The following TVP23A variants were observed in gnomAD, a reference collection of about 807,000 sequenced individuals.
The protein encoded by TVP23A is trans-golgi network vesicle protein 23 homolog A.
Under a neutral mutation model 31.7 loss-of-function variants are expected in TVP23A, and 21 were observed. That is an observed-to-expected ratio of 0.66 (90% CI 0.47 to 0.95). The LOEUF is 0.95. Ranked by LOEUF, TVP23A falls within the 40% of genes least tolerant of loss-of-function variation. The pLI is 0.00. For missense variants in TVP23A, 279 were observed against 255.6 expected, an observed-to-expected ratio of 1.09 and a Z score of -0.62; for synonymous variants, 104 against 96.0, an observed-to-expected ratio of 1.08 and a Z score of -0.49.
At chr16:10,761,516 T>C in exon 9 of TVP23A, 5 of 1,514,862 alleles carry the variant, frequency 3.3e-6, no homozygotes, top group Non-Finnish European at 4.6e-6. Flanking sequence ...GATCTTGCTC[T>C]CATGGATGAG....
At chr16:10,814,818 T>C (rs533920014) in intron 2 of TVP23A, among the ~76,000 whole-genome samples, 42 of 152,300 alleles carry the variant, frequency 2.8e-4, no homozygotes, top group African/African-American at 9.1e-4. Context: ...CCCATCCTCA[T>C]AGAAGGTTCA....
chr16:10,770,615 G>A (rs1175165171), intron 6 of TVP23A, among the ~76,000 whole-genome samples: 1 of 151,400 alleles, frequency 6.6e-6, no homozygotes, highest in Admixed American at 6.6e-5. Flanking sequence ...GCTCCCGCCT[G>A]TAATCCTAGC....
rs1280776353 is a variant in TVP23A, at chr16:10,767,579, C to T, written c.*1523G>A. ...CCCTTTTCGGACTTGGCCTTTTATG[C>T]CATATCCTTTTGCATTCTGTACTTT... On this transcript the variant is annotated 3_prime_UTR_variant, in exon 8 of 8. Coordinates refer to ENST00000299866, the MANE Select transcript of TVP23A (RefSeq NM_001079512.4). The surrounding 1 kb of genome is among the most constrained non-coding windows in gnomAD (Gnocchi z 4.6). 4.4e-6 allele frequency: 2 copies of T among 452,284 alleles called. No homozygotes were observed. The highest frequency in any genetic ancestry group is 7.7e-6 in the Non-Finnish European group (2 of 258,550). The allele number at this position is 452,284 out of a possible 1,614,324, so 28.0% of individuals were successfully genotyped here. A position where few individuals can be genotyped will look rare whatever the true frequency, so the allele number is the denominator to read the frequency against.
rs1292972719 is a variant in TVP23A, at chr16:10,818,690, C to T, written c.-197G>A. On this transcript the variant is annotated 5_prime_UTR_variant, in exon 1 of 8. Coordinates refer to ENST00000299866, the MANE Select transcript of TVP23A (RefSeq NM_001079512.4). The surrounding 1 kb of genome is among the most constrained non-coding windows in gnomAD (Gnocchi z 4.7). The stretch of plus-strand genomic sequence containing the variant: ...GCGCTCGGGGCCTAAGGCGCAGTCG[C>T]AGGCTGGGGAGGGGGCTCGGCTCGC... The T allele has an allele frequency of 1.7e-6, 1 of 590,654 alleles. No individual in the cohort carries two copies. Among genetic ancestry groups the T allele is most frequent in the Non-Finnish European group, 2.7e-6 (1 of 368,264 alleles). 36.6% of individuals were successfully genotyped at this position (590,654 alleles called of 1,614,324 possible). A position where few individuals can be genotyped will look rare whatever the true frequency, so the allele number is the denominator to read the frequency against.
intron 2 of TVP23A, among the ~76,000 whole-genome samples, chr16:10,813,746 C>T (rs2143007503): frequency 6.6e-6 from 1 of 152,232 alleles, no homozygotes; most frequent in East Asian, 1.9e-4. Context: ...TGGCTCACGC[C>T]TGTAATCCCA....
At chr16:10,762,089 G>A, downstream of TVP23A, 1 of 460,410 alleles carries the variant, frequency 2.2e-6, no homozygotes, top group South Asian at 3.1e-5. Context: ...GAGGGGTGAG[G>A]CCTGGAAGAA....
chr16:10,798,659 G>C (rs189355820), intron 2 of TVP23A, among the ~76,000 whole-genome samples: 1 of 120,110 alleles, frequency 8.3e-6, no homozygotes, highest in Non-Finnish European at 1.6e-5. Context: ...CTTATGTTTT[G>C]TTTTTGTTTT....
chr16:10,775,968 C>T (rs558448534), intron 2 of TVP23A, among the ~76,000 whole-genome samples: 10 of 150,614 alleles, frequency 6.6e-5, no homozygotes, highest in South Asian at 2.1e-4. Flanking sequence ...AGGCTGGTTT[C>T]GAACTCCTGA....
Position 10,767,213 on chromosome 16 carries a change from G to T in TVP23A, c.*1889C>A. On this transcript the variant is annotated 3_prime_UTR_variant, in exon 8 of 8. Transcript: ENST00000299866. The surrounding 1 kb of genome is among the most constrained non-coding windows in gnomAD (Gnocchi z 4.6). ...CCACCCACGACTGGGGGCTGGCAGG[G>T]CAGACTGGAGGCGAGAACACCCCCA... The T allele has an allele frequency of 2.5e-6, 1 of 399,832 alleles. No individual in the cohort carries two copies. 24.8% of individuals were successfully genotyped at this position (399,832 alleles called of 1,614,324 possible).
At position 10,783,906 on chromosome 16, in the gene TVP23A, G is replaced by C; in HGVS notation, c.90-8810C>G. On this transcript the variant is annotated intron_variant, in intron 2 of 7. Transcript: ENST00000299866. ...GGCAACACTCTAGAGACAGTAAAAAGATCAGTGGTTGCCAGGAGTTCCAGA... is the reference window on the plus strand; with the variant it reads ...GGCAACACTCTAGAGACAGTAAAAACATCAGTGGTTGCCAGGAGTTCCAGA... Among the ~76,000 whole-genome samples, 2 of 152,196 alleles carry C rather than the reference G, an allele frequency of 1.3e-5. 1 individual carries two copies. The highest frequency in any genetic ancestry group is 2.9e-5 in the Non-Finnish European group (2 of 68,032).
chr16:10,765,288 T>A (rs2030697348), downstream of TVP23A: 1 of 137,514 alleles, frequency 7.3e-6, no homozygotes, highest in African/African-American at 2.8e-5. This position sits in a 1 kb window ranked among gnomAD's most constrained non-coding sequence, Gnocchi z 4.0. Context: ...CACACAACCA[T>A]GCTCTAGCCT....
At chr16:10,774,232 G>C (rs1325887010) in intron 3 of TVP23A, 104 bp from the exon 4 acceptor site, 2 of 786,142 alleles carry the variant, frequency 2.5e-6, no homozygotes, top group Non-Finnish European at 3.9e-6. Flanking sequence ...CTTGTACTGG[G>C]AGCAGGAAGA....
rs3040297 is a variant in TVP23A, at chr16:10,803,245, C to CTGTGTGTGTGTGTGTGTGTG, written c.89+14838_89+14857dup. ...GTTGCAGTGAGCCGAGATCGCGCCA[C>CTGTGTGTGTGTGTGTGTGTG]TGTGTGTGTGTGTGTGTGTGTGTGT... is the stretch of plus-strand genomic sequence containing the variant. On this transcript the variant is annotated intron_variant, in intron 2 of 7. Transcript: ENST00000299866. 6.9e-3 allele frequency among the ~76,000 whole-genome samples: 930 copies of CTGTGTGTGTGTGTGTGTGTG among 135,432 alleles called. 17 individuals carry two copies. The highest frequency in any genetic ancestry group is 0.015 in the African/African-American group (508 of 34,474). The allele number at this position is 135,432 out of a possible 152,430, so 88.8% of individuals were successfully genotyped here. A position where few individuals can be genotyped will look rare whatever the true frequency, so the allele number is the denominator to read the frequency against.
chr16:10,807,822 C>T (rs952773118), intron 2 of TVP23A, among the ~76,000 whole-genome samples: 4 of 152,132 alleles, frequency 2.6e-5, no homozygotes, highest in Non-Finnish European at 5.9e-5. Flanking sequence ...TGAGTATCTG[C>T]GCACAATGTA....
At chr16:10,760,497 A>G (rs1025466709), downstream of TVP23A, among the ~76,000 whole-genome samples, 5 of 152,190 alleles carry the variant, frequency 3.3e-5, no homozygotes, top group Non-Finnish European at 5.9e-5. Flanking sequence ...TCTAACCCTA[A>G]CACTCTGGGA....
intron 2 of TVP23A, among the ~76,000 whole-genome samples, chr16:10,788,313 C>T (rs952044813): frequency 3.3e-5 from 5 of 151,206 alleles, no homozygotes; most frequent in African/African-American, 1.2e-4. Context: ...CTTGCTCTGT[C>T]GCCCAGGTTG....
rs1388817848 is a variant in TVP23A, at chr16:10,777,962, G to C, written c.90-2866C>G. On this transcript the variant is annotated intron_variant, in intron 2 of 7. Coordinates refer to ENST00000299866, the MANE Select transcript of TVP23A (RefSeq NM_001079512.4). This position sits in a 1 kb window ranked among gnomAD's most constrained non-coding sequence, Gnocchi z 4.5. ...GGAGGCGGAGGTTGCAGTGAGTTGA[G>C]ATCGTACTACTGCACTCCAGCCTGG... Among the ~76,000 whole-genome samples the C allele has an allele frequency of 6.6e-6, 1 of 151,990 alleles. No homozygotes were observed. Among genetic ancestry groups the C allele is most frequent in the Non-Finnish European group, 1.5e-5 (1 of 68,028 alleles).
At chr16:10,799,043 G>A (rs938381688) in intron 2 of TVP23A, among the ~76,000 whole-genome samples, 1 of 152,160 alleles carries the variant, frequency 6.6e-6, no homozygotes, top group East Asian at 1.9e-4. Flanking sequence ...GCCCTATGTT[G>A]AGAGGCCCAC....
At chr16:10,763,136 G>T (rs554900168), downstream of TVP23A, among the ~76,000 whole-genome samples, 4 of 152,230 alleles carry the variant, frequency 2.6e-5, no homozygotes, top group East Asian at 7.7e-4. Flanking sequence ...TGAAGCAGGG[G>T]TGGTAGAGGG....
Sources: gnomAD v4.1 joint callset for allele counts (sites outside exome capture counted in the v4.1 genomes callset) on GRCh38, gnomAD v4.1.1 for gene constraint, Gnocchi (gnomAD v3.1) non-coding constraint, MANE v1.5 for transcripts, NCBI Gene and HGNC (gene_info 2026-07-23, HGNC 2026-07-21) for gene names.